The following JPH2 variants were observed in gnomAD, a reference collection of about 807,000 sequenced individuals.
JPH2 encodes junctophilin 2.
A neutral mutation model predicts 55.9 loss-of-function variants in JPH2; 38 were observed. That is an observed-to-expected ratio of 0.68 (90% CI 0.52 to 0.89). The LOEUF is 0.89. Among genes scored for constraint, JPH2 ranks in the 40% least tolerant of loss-of-function variants. The pLI, the probability that JPH2 is intolerant of heterozygous loss-of-function variation, is 0.00. For synonymous variants in JPH2, 480 were observed against 472.4 expected (o/e 1.02, Z -0.21); for missense variants, 964 against 1,037.6 (o/e 0.93, Z 0.97).
At position 44,186,828 on chromosome 20, in the gene JPH2, G is replaced by A; in HGVS notation, c.-123C>T. The stretch of plus-strand genomic sequence containing the variant: ...CCCCAGACTCACCACTGCACCCCAG[G>A]AGGGGGGAAGCAGGATGCCAGCAGA... On this transcript the variant is annotated 5_prime_UTR_variant, in exon 1 of 6. Coordinates refer to ENST00000372980, the MANE Select transcript of JPH2 (RefSeq NM_020433.5). The A allele has an allele frequency of 1.0e-6, 1 of 976,316 alleles. No individual in the cohort carries two copies. The highest frequency in any genetic ancestry group is 1.5e-6 in the Non-Finnish European group (1 of 647,984). The allele number at this position is 976,316 out of a possible 1,614,324, so 60.5% of individuals were successfully genotyped here. A position where few individuals can be genotyped will look rare whatever the true frequency, so the allele number is the denominator to read the frequency against.
At position 44,110,574 on chromosome 20, in the gene JPH2, G is replaced by A. The variant is rs186255404; in HGVS notation, c.*2944C>T. 3.8e-4 allele frequency among the ~76,000 whole-genome samples: 58 copies of A among 152,084 alleles called. No homozygotes were observed. The highest frequency in any genetic ancestry group is 6.5e-4 in the African/African-American group (27 of 41,490). On this transcript the variant is annotated 3_prime_UTR_variant, in exon 6 of 6. Coordinates refer to ENST00000372980, the MANE Select transcript of JPH2 (RefSeq NM_020433.5). The stretch of plus-strand genomic sequence containing the variant: ...CAACTAGCTGGGTTTACAGGTACGC[G>A]CCACCACACTTGGCTAATTTTTGTA...
chr20:44,135,889 T>C lies in JPH2; in HGVS notation c.1170-17266A>G, dbSNP rs145133977. 6.6e-5 allele frequency among the ~76,000 whole-genome samples: 10 copies of C among 152,350 alleles called. No homozygotes were observed. The East Asian group carries it at 1.9e-3, about 29-fold the overall frequency. On this transcript the variant is annotated intron_variant, in intron 2 of 5. Transcript: ENST00000372980. ...GAGTTAGTCATTGTGATCGTTACTC[T>C]GTTATAGACATATTGGAAGGGTTAG...
chr20:44,135,821 C>A (rs1451619720), intron 2 of JPH2, among the ~76,000 whole-genome samples: 2 of 152,110 alleles, frequency 1.3e-5, no homozygotes, highest in Non-Finnish European at 2.9e-5. Context: ...GAAACTGTGG[C>A]CCAGAGAAGT....
rs114698482 is a variant in JPH2, at chr20:44,135,008, C to T, written c.1170-16385G>A. The stretch of plus-strand genomic sequence containing the variant: ...TGGGAATGACCAAGTGGACAGAATA[C>T]CAAGAGGGGTAGGGGGGATGCCTGG... On this transcript the variant is annotated intron_variant, in intron 2 of 5. Coordinates refer to ENST00000372980, the MANE Select transcript of JPH2 (RefSeq NM_020433.5). Among the ~76,000 whole-genome samples the T allele has an allele frequency of 7.0e-3, 999 of 142,894 alleles. 17 individuals are homozygous for T. The highest frequency in any genetic ancestry group is 0.025 in the African/African-American group (944 of 37,914). The allele number at this position is 142,894 out of a possible 152,430, so 93.7% of individuals were successfully genotyped here.
intron 1 of JPH2, among the ~76,000 whole-genome samples, chr20:44,174,963 C>T (rs2072722741): frequency 6.6e-6 from 1 of 151,898 alleles, no homozygotes; most frequent in Non-Finnish European, 1.5e-5. Flanking sequence ...CCCTCCTGCA[C>T]TCCAGTCTGG....
rs1440578685 is a variant in JPH2 at position 44,108,002 on chromosome 20, T to C, written c.*5516A>G. Reference sequence around the variant, plus strand: ...CATGCCAGAAAAATCAACCACAGGGTTAAAAGATTGGGGCTTTGGGCTATG... The same window carrying C: ...CATGCCAGAAAAATCAACCACAGGGCTAAAAGATTGGGGCTTTGGGCTATG... On this transcript the variant is annotated 3_prime_UTR_variant, in exon 6 of 6. Coordinates refer to ENST00000372980, the MANE Select transcript of JPH2 (RefSeq NM_020433.5). Among the ~76,000 whole-genome samples, 1 of 152,182 alleles carries C rather than the reference T, an allele frequency of 6.6e-6. No homozygotes were observed. Among genetic ancestry groups the C allele is most frequent in the East Asian group, 1.9e-4 (1 of 5,196 alleles).
chr20:44,137,600 G>A (rs2072423415), intron 2 of JPH2, among the ~76,000 whole-genome samples: 1 of 152,350 alleles, frequency 6.6e-6, no homozygotes, highest in South Asian at 2.1e-4. Context: ...AGGGGAGGAA[G>A]AAGCCACCAG....
intron 2 of JPH2, among the ~76,000 whole-genome samples, chr20:44,124,270 G>A (rs1485791372): frequency 2.0e-5 from 3 of 152,074 alleles, no homozygotes; most frequent in South Asian, 2.1e-4. Context: ...GTCTCCACTA[G>A]GCATTGGTGG....
At position 44,186,678 on chromosome 20, in the gene JPH2, C is replaced by T; in HGVS notation, c.28G>A (p.Asp10Asn). ...CAGCCCCCGCAGTACGCCCCTCCAT[C>T]ATCAAAGTCGAAGCGGCCCCCACTC... The part of the protein sequence containing the change: MSGGRFDFD[D>N]GGAYCGGWEG... Residue 10 changes from aspartate (D) to asparagine (N), a missense_variant, in exon 1 of 6, where the codon GAT becomes AAT. By Grantham distance (23) the Asp-to-Asn change is conservative. Transcript: ENST00000372980. 1 of 1,600,202 alleles carries T rather than the reference C, an allele frequency of 6.2e-7. No homozygotes were observed. Among genetic ancestry groups the T allele is most frequent in the Non-Finnish European group, 8.5e-7 (1 of 1,178,128 alleles).
At chr20:44,132,439 C>A (rs975487159) in intron 2 of JPH2, among the ~76,000 whole-genome samples, 3 of 151,214 alleles carry the variant, frequency 2.0e-5, no homozygotes, top group Non-Finnish European at 4.4e-5. Flanking sequence ...CCATCTCCCC[C>A]CCTTGCCCCA....
rs10630926 is a variant in JPH2, at chr20:44,108,632, C to CAA, written c.*4884_*4885dup. ...TGGGTGACAGAATGAGACTCTGTCT[C>CAA]AAAAAAAAAAAAAAAGAAAAGAGGA... On this transcript the variant is annotated 3_prime_UTR_variant, in exon 6 of 6. Coordinates refer to ENST00000372980, the MANE Select transcript of JPH2 (RefSeq NM_020433.5). Among the ~76,000 whole-genome samples, 39,651 of 126,636 alleles carry CAA rather than the reference C, an allele frequency of 0.31. 5,893 individuals carry two copies. The highest frequency in any genetic ancestry group is 0.49 in the East Asian group (2,163 of 4,394). 83.1% of individuals were successfully genotyped at this position (126,636 alleles called of 152,430 possible).
intron 1 of JPH2, among the ~76,000 whole-genome samples, chr20:44,180,387 A>G (rs1333250133): frequency 1.3e-5 from 2 of 151,698 alleles, no homozygotes; most frequent in East Asian, 3.9e-4. Flanking sequence ...CCTGGAGTGC[A>G]GTAGCGTGAT....
intron 1 of JPH2, chr20:44,178,042 C>A: frequency 2.5e-6 from 2 of 795,262 alleles, no homozygotes; most frequent in South Asian, 1.3e-5. Context: ...GGTTAAGAAC[C>A]GGCACAGCTG....
Position 44,115,346 on chromosome 20 carries a change from C to G in JPH2, c.2010+319G>C, listed in dbSNP as rs574374109. On this transcript the variant is annotated intron_variant, in intron 4 of 5. Coordinates refer to ENST00000372980, the MANE Select transcript of JPH2 (RefSeq NM_020433.5). ...TGCTGCTGGTGCCCAGCCCAACCCC[C>G]CTGACTGGGCAAATGGACCCACCCT... is the stretch of plus-strand genomic sequence containing the variant. 4.3e-4 allele frequency among the ~76,000 whole-genome samples: 66 copies of G among 152,286 alleles called. 2 individuals are homozygous for G. Among genetic ancestry groups the G allele is most frequent in the African/African-American group, 1.3e-3 (55 of 41,540 alleles).
intron 2 of JPH2, among the ~76,000 whole-genome samples, 154 bp from the exon 3 acceptor site, chr20:44,118,777 T>C (rs759031903): frequency 6.6e-6 from 1 of 152,268 alleles, no homozygotes; most frequent in Non-Finnish European, 1.5e-5. Context: ...CAGACTGCTA[T>C]GCATTCTCCA....
chr20:44,151,286 G>T (rs375430298), intron 2 of JPH2, among the ~76,000 whole-genome samples: 1 of 152,204 alleles, frequency 6.6e-6, no homozygotes, highest in Admixed American at 6.5e-5. Context: ...GGAGGTTGAA[G>T]CGCATGGATC....
rs779935200 is a variant in JPH2 at position 44,159,014 on chromosome 20, T to A, written c.1169+604A>T. On this transcript the variant is annotated intron_variant, in intron 2 of 5. Coordinates refer to ENST00000372980, the MANE Select transcript of JPH2 (RefSeq NM_020433.5). The surrounding 1 kb of genome is among the most constrained non-coding windows in gnomAD (Gnocchi z 5.7). Reference sequence around the variant, plus strand: ...TTGGACGGGTGGTTGAGTCGATGAATGGATGGGTGATGAGCTGGTTGAGTA... The same window carrying A: ...TTGGACGGGTGGTTGAGTCGATGAAAGGATGGGTGATGAGCTGGTTGAGTA... Among the ~76,000 whole-genome samples the A allele has an allele frequency of 1.3e-5, 2 of 152,036 alleles. No homozygotes were observed. Among genetic ancestry groups the A allele is most frequent in the Non-Finnish European group, 2.9e-5 (2 of 67,994 alleles).
At chr20:44,176,360 G>A (rs1351772765) in intron 1 of JPH2, among the ~76,000 whole-genome samples, 2 of 121,874 alleles carry the variant, frequency 1.6e-5, no homozygotes, top group Admixed American at 1.0e-4. Context: ...GTCTCACTGT[G>A]TTGCCCAGGC....
intron 1 of JPH2, among the ~76,000 whole-genome samples, chr20:44,179,548 G>A (rs1021524245): frequency 3.3e-5 from 5 of 152,166 alleles, no homozygotes; most frequent in African/African-American, 1.2e-4. Flanking sequence ...GTCAAGGCCA[G>A]CTTCATGGGT....
Sources: allele counts gnomAD v4.1 joint callset (sites outside exome capture counted in the v4.1 genomes callset), GRCh38; gene constraint gnomAD v4.1.1; non-coding constraint Gnocchi (gnomAD v3.1); transcripts MANE v1.5; gene names NCBI Gene and HGNC (gene_info 2026-07-23, HGNC 2026-07-21).